The following UBE3D variants were observed in gnomAD, a reference collection of about 807,000 sequenced individuals.
The protein encoded by UBE3D is E3 ubiquitin-protein ligase E3D.
A neutral mutation model predicts 49.6 loss-of-function variants in UBE3D; 48 were observed. That is an observed-to-expected ratio of 0.97 (90% confidence interval 0.77 to 1.23). UBE3D has a LOEUF of 1.23. Among genes scored for constraint, UBE3D ranks in the 50% most tolerant of loss-of-function variants. The pLI is 0.00. For missense variants in UBE3D, 452 were observed against 468.4 expected, an observed-to-expected ratio of 0.96 and a Z score of 0.32; for synonymous variants, 189 against 174.2, an observed-to-expected ratio of 1.08 and a Z score of -0.67.
intron 8 of UBE3D, among the ~76,000 whole-genome samples, chr6:82,968,515 C>A (rs1777115061): frequency 6.6e-6 from 1 of 152,096 alleles, no homozygotes. Context: ...ACAATAATGT[C>A]CTTGCTTACA....
intron 5 of UBE3D, among the ~76,000 whole-genome samples, chr6:83,033,785 T>G (rs1782049763): frequency 6.6e-6 from 1 of 152,192 alleles, no homozygotes; most frequent in East Asian, 1.9e-4. Flanking sequence ...CTTGGGTATT[T>G]CTTTATAGCA....
rs1460201964 is a variant in UBE3D, at chr6:82,908,172, GT to G, written c.1150-15131del. 1.1e-4 allele frequency among the ~76,000 whole-genome samples: 16 copies of G among 152,242 alleles called. No homozygotes were observed. In the South Asian group the frequency reaches 3.1e-3, roughly 30 times the overall value. ...AAGATGATAGAAAATAGAGACAATGGTTTTCAAAGAGGAACGATTAACTGCA... is the reference window on the plus strand; with the variant it reads ...AAGATGATAGAAAATAGAGACAATGGTTTCAAAGAGGAACGATTAACTGCA... On this transcript the variant is annotated intron_variant, in intron 9 of 9. Coordinates refer to ENST00000369747, the MANE Select transcript of UBE3D (RefSeq NM_198920.3).
chr6:83,047,391 CTA>C (rs1162957045), intron 3 of UBE3D, among the ~76,000 whole-genome samples: 1 of 152,192 alleles, frequency 6.6e-6, no homozygotes, highest in Non-Finnish European at 1.5e-5. Flanking sequence ...ACCCTACAAA[CTA>C]TATCAAGAAT....
At chr6:82,920,147 C>T (rs1773221117) in intron 9 of UBE3D, among the ~76,000 whole-genome samples, 1 of 152,134 alleles carries the variant, frequency 6.6e-6, no homozygotes, top group African/African-American at 2.4e-5. Flanking sequence ...TTGACTGAAG[C>T]TGTGGGAGAG....
chr6:83,026,247 G>C (rs1338490728), intron 5 of UBE3D, among the ~76,000 whole-genome samples: 2 of 152,018 alleles, frequency 1.3e-5, no homozygotes, highest in Admixed American at 1.3e-4. Context: ...AGGAGTTTGA[G>C]ACCATTCTGG....
chr6:83,038,634 T>C (rs1782438142), intron 4 of UBE3D, 149 bp from the exon 5 acceptor site: 4 of 667,114 alleles, frequency 6.0e-6, no homozygotes, highest in Non-Finnish European at 9.7e-6. Flanking sequence ...CTTGTATGCA[T>C]AATTCACATG....
rs1390849863 is a variant in UBE3D at position 82,892,902 on chromosome 6, C to T, written c.*120G>A. 1.7e-6 allele frequency: 2 copies of T among 1,168,134 alleles called. No homozygotes were observed. Among genetic ancestry groups the T allele is most frequent in the Admixed American group, 1.7e-5 (1 of 59,076 alleles). 72.4% of individuals were successfully genotyped at this position (1,168,134 alleles called of 1,614,324 possible). Reference sequence around the variant, plus strand: ...AAACTTAAAACTTCAATGCAATGCTCTTATCCCATAGCTCTGGTTCTTGTC... The same window carrying T: ...AAACTTAAAACTTCAATGCAATGCTTTTATCCCATAGCTCTGGTTCTTGTC... On this transcript the variant is annotated 3_prime_UTR_variant, in exon 10 of 10. Transcript: ENST00000369747.
At chr6:82,913,401 A>G (rs987326504) in intron 9 of UBE3D, among the ~76,000 whole-genome samples, 2 of 152,236 alleles carry the variant, frequency 1.3e-5, no homozygotes, top group African/African-American at 4.8e-5. Context: ...AATTTCAAGT[A>G]GGCTGAGGAT....
chr6:82,997,688 C>T (rs560701529), intron 8 of UBE3D, among the ~76,000 whole-genome samples: 2 of 152,166 alleles, frequency 1.3e-5, no homozygotes, highest in South Asian at 2.1e-4. Context: ...CACTGCATTC[C>T]AGCCTGGGCG....
At chr6:83,039,427 C>A (rs963789589) in intron 4 of UBE3D, among the ~76,000 whole-genome samples, 1 of 152,078 alleles carries the variant, frequency 6.6e-6, no homozygotes, top group African/African-American at 2.4e-5. Flanking sequence ...TAAATAATTT[C>A]CTGAAAAATT....
In UBE3D at chr6:82,988,261, A is replaced by G. The variant is rs1778656645; in HGVS notation, c.1010+30712T>C. Among the ~76,000 whole-genome samples, 4 of 152,166 alleles carry G rather than the reference A, an allele frequency of 2.6e-5. No individual in the cohort carries two copies. The South Asian group carries it at 6.2e-4, about 24-fold the overall frequency. ...GTTAATGCTTTATTTTTAAAACTCT[A>G]TCTACCTACCTACCTACCTATCAAG... On this transcript the variant is annotated intron_variant, in intron 8 of 9. Coordinates refer to ENST00000369747, the MANE Select transcript of UBE3D (RefSeq NM_198920.3).
At chr6:82,933,441 C>T (rs560793572) in intron 9 of UBE3D, among the ~76,000 whole-genome samples, 3 of 152,326 alleles carry the variant, frequency 2.0e-5, no homozygotes, top group African/African-American at 7.2e-5. Context: ...GTAGAAAGCA[C>T]TCTGCAATTT....
chr6:82,902,564 A>G (rs1355094634), intron 9 of UBE3D, among the ~76,000 whole-genome samples: 2 of 152,194 alleles, frequency 1.3e-5, no homozygotes, highest in African/African-American at 4.8e-5. Context: ...TTTTGAATTG[A>G]CAAAATTTTA....
chr6:82,890,868 G>A (rs879530088), downstream of UBE3D, among the ~76,000 whole-genome samples: 2 of 152,170 alleles, frequency 1.3e-5, no homozygotes, highest in Non-Finnish European at 2.9e-5. Context: ...ACATACATTA[G>A]TATGGTAGTA....
At chr6:82,977,698 C>T (rs1261980205) in intron 8 of UBE3D, among the ~76,000 whole-genome samples, 4 of 151,918 alleles carry the variant, frequency 2.6e-5, no homozygotes, top group Admixed American at 1.3e-4. Flanking sequence ...ATTAGCTGGC[C>T]GTGGTGGTGG....
chr6:82,978,135 T>C (rs941471048), intron 8 of UBE3D, among the ~76,000 whole-genome samples: 1 of 78,152 alleles, frequency 1.3e-5, no homozygotes, highest in Admixed American at 1.5e-4. Context: ...CTCCCAGATC[T>C]TGTACCAGGC....
At chr6:83,019,408 G>A (rs1490392804) in intron 7 of UBE3D, among the ~76,000 whole-genome samples, 3 of 150,412 alleles carry the variant, frequency 2.0e-5, no homozygotes, top group South Asian at 4.2e-4. Flanking sequence ...CTTCAGTAAG[G>A]GGGTAAAACA....
chr6:82,963,795 C>A lies in UBE3D; in HGVS notation c.1011-6345G>T, dbSNP rs189028394. Among the ~76,000 whole-genome samples the A allele has an allele frequency of 6.6e-5, 10 of 150,704 alleles. No homozygotes were observed. The East Asian group carries it at 1.7e-3, about 26-fold the overall frequency. ...CAACATTTTTCATCCTTCAACCCAA[C>A]TGAGTTGACATTCAGTATGAACCAT... On this transcript the variant is annotated intron_variant, in intron 8 of 9. Transcript: ENST00000369747.
chr6:83,038,732 G>A (rs1782443902), intron 4 of UBE3D, among the ~76,000 whole-genome samples: 1 of 152,168 alleles, frequency 6.6e-6, no homozygotes, highest in Non-Finnish European at 1.5e-5. Context: ...TCCAAAAGTT[G>A]CCAAATAATT....
Sources: gnomAD v4.1 joint callset for allele counts (sites outside exome capture counted in the v4.1 genomes callset) on GRCh38, gnomAD v4.1.1 for gene constraint, MANE v1.5 for transcripts, NCBI Gene and HGNC (gene_info 2026-07-23, HGNC 2026-07-21) for gene names.